The following PABPC4L variants were observed in gnomAD, a reference collection of about 807,000 sequenced individuals.
PABPC4L encodes the protein polyadenylate-binding protein 4-like.
For synonymous variants in PABPC4L, 169 were observed against 164.1 expected, an observed-to-expected ratio of 1.03 and a Z score of -0.23; for missense variants, 452 against 451.4, an observed-to-expected ratio of 1.00 and a Z score of -0.01.
chr4:134,034,688 C>T, the PABPC4L span, among the ~76,000 whole-genome samples: 1 of 151,834 alleles, frequency 6.6e-6, no homozygotes, highest in Admixed American at 6.6e-5. Flanking sequence ...AGTAAGAGAA[C>T]TAGAATTAGA....
the PABPC4L span, among the ~76,000 whole-genome samples, chr4:133,998,947 C>A: frequency 2.0e-5 from 3 of 151,852 alleles, no homozygotes; most frequent in East Asian, 5.8e-4. Context: ...TTTATAATTT[C>A]TACTTCTCTG....
At chr4:134,135,264 T>C in the PABPC4L span, among the ~76,000 whole-genome samples, 79 of 152,224 alleles carry the variant, frequency 5.2e-4, no homozygotes, top group Non-Finnish European at 8.5e-4. Context: ...TTTTCTGGTA[T>C]TTTCTGATTT....
At chr4:133,981,018 G>T in the PABPC4L span, among the ~76,000 whole-genome samples, 1 of 152,042 alleles carries the variant, frequency 6.6e-6, no homozygotes, top group Non-Finnish European at 1.5e-5. Context: ...AAAATCAGCC[G>T]GGTGTAGTGG....
At chr4:134,160,471 C>A in the PABPC4L span, among the ~76,000 whole-genome samples, 1 of 152,152 alleles carries the variant, frequency 6.6e-6, no homozygotes, top group Admixed American at 6.6e-5. Context: ...AACACTCAAG[C>A]TCCTTTGAAT....
the PABPC4L span, among the ~76,000 whole-genome samples, chr4:134,047,454 C>T: frequency 3.2e-4 from 48 of 152,096 alleles, no homozygotes; most frequent in Non-Finnish European, 5.6e-4. Context: ...ATAAAATTCC[C>T]ATAGCTAGAG....
At chr4:134,201,609 G>A (rs1729892120) in intron 1 of PABPC4L, 109 bp downstream of exon 1, 1 of 157,650 alleles carries the variant, frequency 6.3e-6, no homozygotes, top group African/African-American at 2.4e-5. Flanking sequence ...CCGACCTCCC[G>A]ACCCGCGCGG....
the PABPC4L span, among the ~76,000 whole-genome samples, chr4:134,177,672 T>C: frequency 6.6e-6 from 1 of 152,188 alleles, no homozygotes; most frequent in South Asian, 2.1e-4. Flanking sequence ...TGTGAACTCA[T>C]CTGGTAAGCA....
chr4:134,017,274 C>A, the PABPC4L span, among the ~76,000 whole-genome samples: 22,503 of 152,114 alleles, frequency 0.15, 1,971 homozygotes, highest in Non-Finnish European at 0.19. Context: ...ACTTTCCCTT[C>A]TCAGAATTCA....
chr4:134,157,793 T>G, the PABPC4L span, among the ~76,000 whole-genome samples: 83 of 151,842 alleles, frequency 5.5e-4, no homozygotes, highest in African/African-American at 1.9e-3. Flanking sequence ...TTATATAAAG[T>G]GAAATTTTGG....
chr4:134,016,714 C>T, the PABPC4L span, among the ~76,000 whole-genome samples: 17 of 152,230 alleles, frequency 1.1e-4, no homozygotes, highest in Admixed American at 4.6e-4. Context: ...ACCTCTTCCA[C>T]GTAGGTTACA....
chr4:134,160,384 A>G, the PABPC4L span, among the ~76,000 whole-genome samples: 11 of 152,140 alleles, frequency 7.2e-5, no homozygotes, highest in Admixed American at 2.6e-4. Flanking sequence ...TTAGGAGTCT[A>G]CAAGAGCCAC....
chr4:133,957,744 A>G, the PABPC4L span, among the ~76,000 whole-genome samples: 5 of 152,136 alleles, frequency 3.3e-5, no homozygotes, highest in Admixed American at 2.6e-4. Flanking sequence ...CCAAATCTCA[A>G]TTCTTCACTT....
chr4:134,163,167 T>C, the PABPC4L span, among the ~76,000 whole-genome samples: 1 of 152,018 alleles, frequency 6.6e-6, no homozygotes, highest in East Asian at 1.9e-4. Flanking sequence ...GAAATGCAAA[T>C]GGAGGCATTC....
At chr4:134,112,954 T>C in the PABPC4L span, among the ~76,000 whole-genome samples, 3 of 151,918 alleles carry the variant, frequency 2.0e-5, no homozygotes, top group African/African-American at 7.2e-5. Context: ...ACAGTGATAT[T>C]GATGAACCTG....
At chr4:133,966,323 C>G in the PABPC4L span, among the ~76,000 whole-genome samples, 4 of 151,856 alleles carry the variant, frequency 2.6e-5, no homozygotes, top group African/African-American at 9.7e-5. Flanking sequence ...AGATGTTGGT[C>G]TGGATGCCAG....
At chr4:134,000,208 T>C in the PABPC4L span, among the ~76,000 whole-genome samples, 2 of 152,150 alleles carry the variant, frequency 1.3e-5, no homozygotes, top group African/African-American at 4.8e-5. Flanking sequence ...ATATACAACT[T>C]ACTCTGACCC....
chr4:133,995,195 C>T, the PABPC4L span, among the ~76,000 whole-genome samples: 1 of 152,292 alleles, frequency 6.6e-6, no homozygotes, highest in African/African-American at 2.4e-5. Context: ...CCAAATGTTT[C>T]CCCTTTTTAC....
At chr4:134,017,195 T>C in the PABPC4L span, among the ~76,000 whole-genome samples, 1 of 152,154 alleles carries the variant, frequency 6.6e-6, no homozygotes, top group Non-Finnish European at 1.5e-5. Context: ...AACAGACTAA[T>C]GGTCTTTTAA....
At chr4:134,154,728 G>A in the PABPC4L span, among the ~76,000 whole-genome samples, 1 of 151,590 alleles carries the variant, frequency 6.6e-6, no homozygotes, top group Non-Finnish European at 1.5e-5. Flanking sequence ...CTGAATTTAA[G>A]TGTTTTTAAA....
Sources: gnomAD v4.1 joint callset for allele counts (sites outside exome capture counted in the v4.1 genomes callset) on GRCh38, gnomAD v4.1.1 for gene constraint, MANE v1.5 for transcripts, NCBI Gene and HGNC (gene_info 2026-07-23, HGNC 2026-07-21) for gene names.